RNMT: variants seen among roughly 807,000 people sequenced by gnomAD.
The protein encoded by RNMT is RNA guanine-7 methyltransferase, also known as mRNA cap guanine-N(7) methyltransferase.
A neutral mutation model predicts 56.0 loss-of-function variants in RNMT; 27 were observed. That is an observed-to-expected ratio of 0.48 (90% CI 0.36 to 0.67). The LOEUF is 0.67. Ranked by LOEUF, RNMT falls within the 30% of genes least tolerant of loss-of-function variation. RNMT has a pLI of 0.00. For synonymous variants in RNMT, 184 were observed against 176.2 expected (o/e 1.04, Z -0.35); for missense variants, 519 against 552.1 (o/e 0.94, Z 0.60).
In RNMT at chr18:13,760,033, C is replaced by G. The variant is rs2044600421; in HGVS notation, c.*54C>G. The G allele has an allele frequency of 1.3e-6, 2 of 1,595,894 alleles. No homozygotes were observed. The highest frequency in any genetic ancestry group is 2.7e-5 in the African/African-American group (2 of 74,342). ...GTGTTCTGTCCTGCACAAATTTGAACAACTCATCTCGATATATTTGATATT... is the reference window on the plus strand; with the variant it reads ...GTGTTCTGTCCTGCACAAATTTGAAGAACTCATCTCGATATATTTGATATT... On this transcript the variant is annotated 3_prime_UTR_variant, in exon 12 of 12. Transcript: ENST00000383314.
In RNMT at chr18:13,762,968, T is replaced by A. The variant is rs144351881; in HGVS notation, c.*2989T>A. 1.8e-5 allele frequency: 7 copies of A among 388,330 alleles called. No individual in the cohort carries two copies. The highest frequency in any genetic ancestry group is 1.5e-4 in the African/African-American group (7 of 47,442). 24.1% of individuals were successfully genotyped at this position (388,330 alleles called of 1,614,324 possible). A position where few individuals can be genotyped will look rare whatever the true frequency, so the allele number is the denominator to read the frequency against. On this transcript the variant is annotated 3_prime_UTR_variant, in exon 12 of 12. Transcript: ENST00000383314. ...TTTTTGTTGAAAAACTGACTTTCTG[T>A]TGTCTACCTCAGGCCTTGTGCATTT...
intron 7 of RNMT, 97 bp from the exon 8 acceptor site, chr18:13,742,391 C>T: frequency 9.5e-7 from 1 of 1,056,854 alleles, no homozygotes; most frequent in Non-Finnish European, 1.4e-6. Context: ...ATCAAGTGTG[C>T]ATCATGTAGT....
chr18:13,739,010 A>C (rs556459820), intron 5 of RNMT, among the ~76,000 whole-genome samples: 1 of 152,278 alleles, frequency 6.6e-6, no homozygotes, highest in South Asian at 2.1e-4. Flanking sequence ...CAGGCCGTGG[A>C]CCTGTACTGG....
intron 10 of RNMT, 53 bp from the exon 11 acceptor site, chr18:13,754,061 T>C (rs1227901269): frequency 2.0e-6 from 2 of 996,072 alleles, no homozygotes; most frequent in East Asian, 4.9e-5. Flanking sequence ...AATAAGCATA[T>C]GTTTACTTCC....
chr18:13,736,865 T>C lies in RNMT; in HGVS notation c.554-145T>C. 5 of 587,592 alleles carry C rather than the reference T, an allele frequency of 8.5e-6. No homozygotes were observed. The South Asian group carries it at 1.0e-4, about 12-fold the overall frequency. The allele number at this position is 587,592 out of a possible 1,614,324, so 36.4% of individuals were successfully genotyped here. ...TCTTAGTCATATTTTTAGTTACTTA[T>C]CAGAAGTTACAAATTACATAAATGG... On this transcript the variant is annotated intron_variant, in intron 4 of 11. Coordinates refer to ENST00000383314, the MANE Select transcript of RNMT (RefSeq NM_003799.3).
At chr18:13,746,186 G>C (rs1211730842) in intron 8 of RNMT, 34 bp from the exon 9 acceptor site, 1 of 1,099,842 alleles carries the variant, frequency 9.1e-7, no homozygotes, top group Non-Finnish European at 1.3e-6. Context: ...CAAACATGTG[G>C]AAGCTTTTTC....
At chr18:13,759,907 A>G (rs935014599) in intron 11 of RNMT, 35 bp from the exon 12 acceptor site, 20 of 1,531,782 alleles carry the variant, frequency 1.3e-5, no homozygotes, top group Non-Finnish European at 1.7e-5. Context: ...TTGTAATCAT[A>G]TGAGAAACTG....
chr18:13,752,503 T>G (rs1383041464), intron 10 of RNMT, 76 bp downstream of exon 10: 4 of 892,408 alleles, frequency 4.5e-6, no homozygotes, highest in Non-Finnish European at 7.1e-6. Flanking sequence ...TAGGAAATGA[T>G]TTCACTTGTT....
chr18:13,761,641 A>G lies in RNMT; in HGVS notation c.*1662A>G, dbSNP rs1167399068. ...TACAAAGCAGGGAGAACAGAAAGGT[A>G]GAGTTACTAAGGCCTTCAGTGAACA... On this transcript the variant is annotated 3_prime_UTR_variant, in exon 12 of 12. Transcript: ENST00000383314. 29 of 1,005,154 alleles carry G rather than the reference A, an allele frequency of 2.9e-5. No individual in the cohort carries two copies. Among genetic ancestry groups the G allele is most frequent in the South Asian group, 4.2e-5 (1 of 23,932 alleles). The allele number at this position is 1,005,154 out of a possible 1,614,324, so 62.3% of individuals were successfully genotyped here. A position where few individuals can be genotyped will look rare whatever the true frequency, so the allele number is the denominator to read the frequency against.
intron 3 of RNMT, among the ~76,000 whole-genome samples, chr18:13,732,742 CTTTTTT>C: frequency 3.5e-5 from 1 of 28,554 alleles, no homozygotes; most frequent in African/African-American, 1.0e-4. Flanking sequence ...GGAGCCCCCC[CTTTTTT>C]TTTTTTTTTT....
At chr18:13,741,137 T>C (rs1422622895) in intron 6 of RNMT, among the ~76,000 whole-genome samples, 2 of 152,238 alleles carry the variant, frequency 1.3e-5, no homozygotes, top group Non-Finnish European at 2.9e-5. Context: ...AAAGTTGTAA[T>C]ACCTTTAAAA....
chr18:13,751,289 C>A (rs2044441413), intron 9 of RNMT, among the ~76,000 whole-genome samples: 1 of 152,080 alleles, frequency 6.6e-6, no homozygotes, highest in African/African-American at 2.4e-5. Context: ...AAAACAACCC[C>A]ATCAAAAAGT....
intron 9 of RNMT, among the ~76,000 whole-genome samples, chr18:13,750,309 T>C (rs2149101032): frequency 1.3e-5 from 2 of 152,354 alleles, no homozygotes; most frequent in Non-Finnish European, 2.9e-5. Context: ...GTAATTGCTA[T>C]TTATGCTTTT....
At chr18:13,741,373 CTG>C (rs2044248145) in intron 6 of RNMT, 135 bp from the exon 7 acceptor site, 1 of 566,308 alleles carries the variant, frequency 1.8e-6, no homozygotes, top group African/African-American at 1.9e-5. Context: ...TGCATGATTT[CTG>C]TGTGTCCTTT....
At position 13,762,368 on chromosome 18, in the gene RNMT, G is replaced by A; in HGVS notation, c.*2389G>A. ...GCAGTTTTTAACCACTTCTGTGGGAGCCGTGTTCTAACCTGTGGAAAGTAT... is the reference window on the plus strand; with the variant it reads ...GCAGTTTTTAACCACTTCTGTGGGAACCGTGTTCTAACCTGTGGAAAGTAT... On this transcript the variant is annotated 3_prime_UTR_variant, in exon 12 of 12. Transcript: ENST00000383314. 1 of 565,114 alleles carries A rather than the reference G, an allele frequency of 1.8e-6. No individual in the cohort carries two copies. The highest frequency in any genetic ancestry group is 3.1e-6 in the Non-Finnish European group (1 of 321,564). 35.0% of individuals were successfully genotyped at this position (565,114 alleles called of 1,614,324 possible).
At chr18:13,741,779 C>CG in intron 7 of RNMT, 88 bp downstream of exon 7, 2 of 795,254 alleles carry the variant, frequency 2.5e-6, no homozygotes, top group Non-Finnish European at 3.9e-6. Context: ...TTAAAATACG[C>CG]TATTTTAATC....
intron 4 of RNMT, 136 bp from the exon 5 acceptor site, chr18:13,736,874 A>G: frequency 1.6e-6 from 1 of 639,398 alleles, no homozygotes; most frequent in Non-Finnish European, 2.5e-6. Flanking sequence ...ATCAGAAGTT[A>G]CAAATTACAT....
At chr18:13,753,011 T>C (rs1490327039) in intron 10 of RNMT, among the ~76,000 whole-genome samples, 4 of 152,246 alleles carry the variant, frequency 2.6e-5, no homozygotes, top group African/African-American at 4.8e-5. Context: ...GCAACACATA[T>C]CTTTAATATT....
At chr18:13,748,347 C>T (rs1032161077) in intron 9 of RNMT, among the ~76,000 whole-genome samples, 1 of 152,150 alleles carries the variant, frequency 6.6e-6, no homozygotes, top group Non-Finnish European at 1.5e-5. Flanking sequence ...TTTCCTACTT[C>T]TTGACCAAGT....
Sources: gnomAD v4.1 joint callset for allele counts (sites outside exome capture counted in the v4.1 genomes callset) on GRCh38, gnomAD v4.1.1 for gene constraint, MANE v1.5 for transcripts, NCBI Gene and HGNC (gene_info 2026-07-23, HGNC 2026-07-21) for gene names.